Variants in ANO5 observed in about 807,000 individuals in gnomAD.
The protein encoded by ANO5 is anoctamin 5, also known as anoctamin-5.
In ANO5, 109 loss-of-function variants were observed where a neutral mutation model predicts 121.0. That is an observed-to-expected ratio of 0.90 (90% confidence interval 0.77 to 1.06). ANO5 has a LOEUF of 1.06. Ranked by LOEUF, ANO5 falls within the 50% of genes least tolerant of loss-of-function variation. ANO5 has a pLI of 0.00. For synonymous variants in ANO5, 406 were observed against 359.9 expected, an observed-to-expected ratio of 1.13 and a Z score of -1.45; for missense variants, 1,064 against 1,078.5, an observed-to-expected ratio of 0.99 and a Z score of 0.19.
rs148196518 is a variant in ANO5, at chr11:22,273,930, C to A, written c.2236-639C>A. 6.0e-3 allele frequency among the ~76,000 whole-genome samples: 912 copies of A among 151,734 alleles called. 4 individuals carry two copies. The highest frequency in any genetic ancestry group is 9.8e-3 in the Non-Finnish European group (668 of 67,936). On this transcript the variant is annotated intron_variant, in intron 19 of 21. Coordinates refer to ENST00000324559, the MANE Select transcript of ANO5 (RefSeq NM_213599.3). ...AATGTACCATTAGCCATAGAAGTTA[C>A]ATTAGATTTTTTTTAAAGCGTAGCA...
At chr11:22,214,235 C>T (rs1339013871) in intron 3 of ANO5, among the ~76,000 whole-genome samples, 1 of 151,890 alleles carries the variant, frequency 6.6e-6, no homozygotes, top group African/African-American at 2.4e-5. Context: ...CCTGTGTTTC[C>T]TTGGTATACC....
chr11:22,275,178 T>G (rs180824666), intron 20 of ANO5, among the ~76,000 whole-genome samples: 5 of 152,044 alleles, frequency 3.3e-5, no homozygotes, highest in African/African-American at 1.2e-4. Context: ...AAATATAATA[T>G]GATCAGTTCA....
chr11:22,259,601 G>A lies in ANO5; in HGVS notation c.1490G>A (p.Ser497Asn), dbSNP rs1452788952. ...VFATFASFME[S>N]DASLKQVKSF... ...GCTACATTTGCTAGTTTCATGGAAA[G>A]TGATGCATCCTTAAAGCAGGTCAAA... Residue 497 changes from serine (S) to asparagine (N), a missense_variant, in exon 15 of 22, where the codon AGT becomes AAT. Ser to Asn is a conservative substitution (Grantham distance 46). Coordinates refer to ENST00000324559, the MANE Select transcript of ANO5 (RefSeq NM_213599.3). 6.2e-7 allele frequency: 1 copy of A among 1,614,086 alleles called. No homozygotes were observed. Among genetic ancestry groups the A allele is most frequent in the Non-Finnish European group, 8.5e-7 (1 of 1,180,002 alleles).
chr11:22,232,375 C>T (rs1564926494), intron 7 of ANO5, among the ~76,000 whole-genome samples: 1 of 151,766 alleles, frequency 6.6e-6, no homozygotes, highest in Non-Finnish European at 1.5e-5. Flanking sequence ...ATTAGATCTT[C>T]CCTTTTCTTG....
At chr11:22,236,420 G>A (rs1853223166) in intron 8 of ANO5, 144 bp downstream of exon 8, 1 of 704,630 alleles carries the variant, frequency 1.4e-6, no homozygotes, top group African/African-American at 1.8e-5. Flanking sequence ...GTTCTGAGCT[G>A]AGAGCTTTAC....
chr11:22,273,308 A>G (rs1315985417), intron 19 of ANO5, among the ~76,000 whole-genome samples: 4 of 152,196 alleles, frequency 2.6e-5, no homozygotes, highest in Non-Finnish European at 5.9e-5. Flanking sequence ...TTTGTATACT[A>G]CAGAGAATAT....
intron 7 of ANO5, 116 bp downstream of exon 7, chr11:22,227,702 T>C: frequency 7.6e-7 from 1 of 1,312,960 alleles, no homozygotes; most frequent in Non-Finnish European, 1.1e-6. Flanking sequence ...GTATAGGATA[T>C]AAGCATTTGG....
At chr11:22,255,303 A>C (rs900399062) in intron 12 of ANO5, 68 bp from the exon 13 acceptor site, 24 of 1,306,748 alleles carry the variant, frequency 1.8e-5, no homozygotes, top group Admixed American at 7.2e-5. Flanking sequence ...CAAAGTAATT[A>C]AAGGGAAAAG....
intron 16 of ANO5, 72 bp downstream of exon 16, chr11:22,262,370 C>A (rs1854218805): frequency 6.7e-7 from 1 of 1,502,122 alleles, no homozygotes; most frequent in Non-Finnish European, 9.2e-7. Context: ...GTGTGTCAAG[C>A]ACTGATTCAC....
chr11:22,227,207 T>G, intron 6 of ANO5, 95 bp from the exon 7 acceptor site: 1 of 1,514,044 alleles, frequency 6.6e-7, no homozygotes, highest in South Asian at 1.2e-5. Context: ...TTTGATGTGT[T>G]TGAGATTTTA....
chr11:22,273,329 G>A (rs892525518), intron 19 of ANO5, among the ~76,000 whole-genome samples: 3 of 152,034 alleles, frequency 2.0e-5, no homozygotes, highest in African/African-American at 7.2e-5. Context: ...ACATTTACCT[G>A]TTGTGTTTAT....
Sources: allele counts gnomAD v4.1 joint callset (sites outside exome capture counted in the v4.1 genomes callset), GRCh38; gene constraint gnomAD v4.1.1; transcripts MANE v1.5; gene names NCBI Gene and HGNC (gene_info 2026-07-23, HGNC 2026-07-21).